Variants in AUTS2 observed in about 807,000 individuals in gnomAD.
AUTS2 encodes the protein activator of transcription and developmental regulator AUTS2, also known as autism susceptibility gene 2 protein.
AUTS2 carries 17 observed loss-of-function variants against 112.4 expected under a neutral mutation model. The ratio of observed to expected loss-of-function variants is 0.15; its 90% confidence interval spans 0.10 to 0.23. The LOEUF is 0.23. AUTS2 is among the 10% of genes least tolerant of loss of function. AUTS2 has a pLI of 1.00. For synonymous variants in AUTS2, 751 were observed against 702.7 expected (o/e 1.07, Z -1.09); for missense variants, 1,510 against 1,701.6 (o/e 0.89, Z 1.98).
intron 4 of AUTS2, among the ~76,000 whole-genome samples, chr7:70,138,524 A>G (rs527240831): frequency 2.6e-5 from 4 of 152,176 alleles, no homozygotes; most frequent in Non-Finnish European, 5.9e-5. Context: ...CCAGGTTTGA[A>G]TCTAACTGTC....
At chr7:70,183,837 T>TTC (rs1043009442) in intron 4 of AUTS2, among the ~76,000 whole-genome samples, 4 of 151,000 alleles carry the variant, frequency 2.6e-5, no homozygotes, top group African/African-American at 4.8e-5. Flanking sequence ...CTTTTTCTTT[T>TTC]TTTTTTTTTT....
chr7:70,703,459 A>G (rs1320258096), intron 6 of AUTS2, among the ~76,000 whole-genome samples: 1 of 140,172 alleles, frequency 7.1e-6, no homozygotes, highest in African/African-American at 2.7e-5. Context: ...TTGTGCCACT[A>G]TAGCCTGGGC....
chr7:70,230,090 A>AT (rs151261237), intron 4 of AUTS2, among the ~76,000 whole-genome samples: 34,249 of 151,722 alleles, frequency 0.23, 3,791 homozygotes, highest in Middle Eastern at 0.32. Flanking sequence ...GTATCTATTG[A>AT]CTTTTTTTTC....
intron 5 of AUTS2, among the ~76,000 whole-genome samples, chr7:70,645,912 A>G (rs1408941651): frequency 6.6e-6 from 1 of 151,966 alleles, no homozygotes; most frequent in African/African-American, 2.4e-5. Flanking sequence ...GTGCCTCAGT[A>G]TCGTTTATTC....
chr7:69,721,147 C>G (rs1368654953), intron 1 of AUTS2, among the ~76,000 whole-genome samples: 1 of 152,184 alleles, frequency 6.6e-6, no homozygotes, highest in Admixed American at 6.5e-5. Flanking sequence ...CAGGGTGTTG[C>G]TTATGATGCT....
intron 2 of AUTS2, among the ~76,000 whole-genome samples, chr7:70,025,550 C>T (rs1421242139): frequency 1.3e-5 from 2 of 150,868 alleles, no homozygotes; most frequent in Non-Finnish European, 2.9e-5. Flanking sequence ...CTCCCAGGTT[C>T]AAGTGATTCT....
chr7:70,251,299 C>G (rs1786583780), intron 4 of AUTS2, among the ~76,000 whole-genome samples: 1 of 152,034 alleles, frequency 6.6e-6, no homozygotes, highest in Non-Finnish European at 1.5e-5. Flanking sequence ...CTCCTGACCT[C>G]ATGATTTGCC....
chr7:69,825,533 A>G (rs1012535882), intron 1 of AUTS2, among the ~76,000 whole-genome samples: 2 of 152,130 alleles, frequency 1.3e-5, no homozygotes, highest in African/African-American at 4.8e-5. Context: ...CAATGGAGCC[A>G]TGCGGTTGTA....
intron 4 of AUTS2, among the ~76,000 whole-genome samples, chr7:70,150,881 A>G (rs530670483): frequency 2.0e-5 from 3 of 152,370 alleles, no homozygotes; most frequent in Non-Finnish European, 4.4e-5. Context: ...TTATTGTTCT[A>G]TTAGAAACAA....
intron 1 of AUTS2, among the ~76,000 whole-genome samples, chr7:69,642,391 T>A (rs1382617403): frequency 6.6e-6 from 1 of 152,204 alleles, no homozygotes; most frequent in Admixed American, 6.5e-5. Context: ...ACATATTCAA[T>A]GAAGCACTGC....
At chr7:69,843,286 A>G (rs1365816764) in intron 1 of AUTS2, among the ~76,000 whole-genome samples, 1 of 152,064 alleles carries the variant, frequency 6.6e-6, no homozygotes, top group Non-Finnish European at 1.5e-5. Context: ...AACCAAATAA[A>G]ATGGGTTCAT....
At chr7:70,175,480 A>G (rs190278760) in intron 4 of AUTS2, among the ~76,000 whole-genome samples, 35 of 152,320 alleles carry the variant, frequency 2.3e-4, no homozygotes, top group East Asian at 1.2e-3. Flanking sequence ...AAGAAGTTCT[A>G]TGTGGGTAAT....
At chr7:70,046,938 A>G (rs1394571342) in intron 2 of AUTS2, among the ~76,000 whole-genome samples, 2 of 152,172 alleles carry the variant, frequency 1.3e-5, no homozygotes, top group Non-Finnish European at 2.9e-5. Context: ...AAGTCATTCC[A>G]TTGTGTTCTT....
chr7:69,741,096 T>C (rs1787245951), intron 1 of AUTS2, among the ~76,000 whole-genome samples: 1 of 152,126 alleles, frequency 6.6e-6, no homozygotes, highest in South Asian at 2.1e-4. Context: ...TCTCATCAAC[T>C]CTTGATCCAC....
At chr7:69,841,024 G>A (rs1034356514) in intron 1 of AUTS2, among the ~76,000 whole-genome samples, 6 of 152,106 alleles carry the variant, frequency 3.9e-5, no homozygotes, top group Admixed American at 1.3e-4. Context: ...TAACAATGGC[G>A]GTCACCACCT....
At chr7:70,177,340 G>A (rs948102730) in intron 4 of AUTS2, among the ~76,000 whole-genome samples, 6 of 152,070 alleles carry the variant, frequency 3.9e-5, no homozygotes, top group Non-Finnish European at 5.9e-5. Flanking sequence ...CCTGTGAGTC[G>A]CCATATAGCT....
At chr7:70,279,193 G>T (rs777438080) in intron 4 of AUTS2, among the ~76,000 whole-genome samples, 1 of 152,144 alleles carries the variant, frequency 6.6e-6, no homozygotes, top group Non-Finnish European at 1.5e-5. Context: ...GCCTTTTGCA[G>T]CTTATTTGAT....
intron 4 of AUTS2, among the ~76,000 whole-genome samples, chr7:70,346,785 G>A (rs1448085928): frequency 2.6e-5 from 4 of 152,062 alleles, no homozygotes; most frequent in Admixed American, 6.6e-5. Context: ...CCAACTCTGC[G>A]CCAGGCTCCA....
intron 1 of AUTS2, among the ~76,000 whole-genome samples, chr7:69,848,147 A>G (rs542652028): frequency 6.6e-6 from 1 of 152,286 alleles, no homozygotes; most frequent in East Asian, 1.9e-4. Flanking sequence ...CCTCATAGGA[A>G]TAGGGACCTT....
Sources: gnomAD v4.1 joint callset for allele counts (sites outside exome capture counted in the v4.1 genomes callset) on GRCh38, gnomAD v4.1.1 for gene constraint, MANE v1.5 for transcripts, NCBI Gene and HGNC (gene_info 2026-07-23, HGNC 2026-07-21) for gene names.